The following CALN1 variants were observed in gnomAD, a reference collection of about 807,000 sequenced individuals.
CALN1 encodes calcium-binding protein 8.
A neutral mutation model predicts 30.6 loss-of-function variants in CALN1; 17 were observed. The observed-to-expected ratio is 0.56, with a 90% confidence interval of 0.38 to 0.83. The LOEUF (loss-of-function observed/expected upper bound fraction) is 0.83. Among genes scored for constraint, CALN1 ranks in the 40% least tolerant of loss-of-function variants. The pLI is 0.00. For missense variants in CALN1, 291 were observed against 354.9 expected (o/e 0.82, Z 1.45); for synonymous variants, 156 against 131.4 (o/e 1.19, Z -1.28).
intron 3 of CALN1, among the ~76,000 whole-genome samples, chr7:72,225,141 C>T (rs150422889): frequency 1.9e-3 from 292 of 152,014 alleles, no homozygotes; most frequent in African/African-American, 6.8e-3. Flanking sequence ...TTTCCCTGCA[C>T]TTGGTCTCTC....
intron 3 of CALN1, among the ~76,000 whole-genome samples, chr7:72,200,515 G>A (rs1791343455): frequency 2.0e-5 from 3 of 152,238 alleles, no homozygotes; most frequent in African/African-American, 7.2e-5. Context: ...GCTCCACTGT[G>A]TGGATGAACA....
At chr7:71,951,317 C>G (rs889011026) in intron 5 of CALN1, among the ~76,000 whole-genome samples, 2 of 152,126 alleles carry the variant, frequency 1.3e-5, no homozygotes, top group African/African-American at 4.8e-5. Context: ...AACGGCCGGG[C>G]GCATGGCTCA....
intron 4 of CALN1, among the ~76,000 whole-genome samples, chr7:72,073,627 C>T (rs1450218063): frequency 6.7e-6 from 1 of 150,274 alleles, no homozygotes; most frequent in Non-Finnish European, 1.5e-5. Flanking sequence ...TTCTTTCTTT[C>T]TCTCTGTCTT....
chr7:72,047,951 A>T (rs191579104), intron 4 of CALN1, among the ~76,000 whole-genome samples: 1 of 152,138 alleles, frequency 6.6e-6, no homozygotes. Flanking sequence ...CCATGATGTG[A>T]GCAAAGTAAG....
intron 2 of CALN1, among the ~76,000 whole-genome samples, chr7:72,397,737 C>CACAT (rs1450597194): frequency 6.6e-6 from 1 of 151,566 alleles, no homozygotes; most frequent in African/African-American, 2.4e-5. Flanking sequence ...CACACACACA[C>CACAT]ACACACACAC....
intron 6 of CALN1, among the ~76,000 whole-genome samples, chr7:71,805,908 TA>T (rs1158914440): frequency 6.6e-6 from 1 of 152,054 alleles, no homozygotes; most frequent in Non-Finnish European, 1.5e-5. Flanking sequence ...TATGCAGCCA[TA>T]AAAAGGAATG....
At chr7:72,143,493 G>T in intron 3 of CALN1, among the ~76,000 whole-genome samples, 1 of 152,128 alleles carries the variant, frequency 6.6e-6, no homozygotes, top group Non-Finnish European at 1.5e-5. Context: ...CCAAATCTAC[G>T]ACTGATTGGT....
At chr7:71,988,665 G>A (rs772864115) in intron 5 of CALN1, among the ~76,000 whole-genome samples, 3 of 152,070 alleles carry the variant, frequency 2.0e-5, no homozygotes, top group Non-Finnish European at 4.4e-5. Flanking sequence ...CGTATGAGAC[G>A]CTAAAAGCAG....
chr7:71,928,142 T>C (rs1240382407), intron 5 of CALN1, among the ~76,000 whole-genome samples: 2 of 152,208 alleles, frequency 1.3e-5, no homozygotes, highest in African/African-American at 4.8e-5. Flanking sequence ...TCTCACCTCC[T>C]GCCCCATCAC....
intron 5 of CALN1, among the ~76,000 whole-genome samples, chr7:71,890,677 A>G (rs868836133): frequency 7.7e-4 from 117 of 151,370 alleles, no homozygotes; most frequent in African/African-American, 2.8e-3. Flanking sequence ...ACCTATACCT[A>G]TATACCTATA....
chr7:72,442,664 T>C (rs938162550), intron 1 of CALN1, among the ~76,000 whole-genome samples: 2 of 152,278 alleles, frequency 1.3e-5, no homozygotes, highest in South Asian at 2.1e-4. Flanking sequence ...TATTAAGGGT[T>C]GCACTTATTT....
intron 2 of CALN1, among the ~76,000 whole-genome samples, chr7:72,365,580 C>T (rs775019646): frequency 6.6e-6 from 1 of 152,012 alleles, no homozygotes; most frequent in Non-Finnish European, 1.5e-5. Flanking sequence ...TAGATGCATG[C>T]CACCACTCCC....
intron 1 of CALN1, among the ~76,000 whole-genome samples, chr7:72,406,488 T>C (rs1806701989): frequency 6.6e-6 from 1 of 152,162 alleles, no homozygotes; most frequent in Admixed American, 6.5e-5. Flanking sequence ...TCCTCTAAAG[T>C]CCATTTGCTA....
At chr7:71,812,514 G>A (rs1788013276) in intron 5 of CALN1, among the ~76,000 whole-genome samples, 1 of 152,158 alleles carries the variant, frequency 6.6e-6, no homozygotes, top group Non-Finnish European at 1.5e-5. Context: ...TAGGTAAAAA[G>A]TCTGTGAAAC....
chr7:72,254,737 T>A (rs1795798646), intron 3 of CALN1, among the ~76,000 whole-genome samples: 1 of 151,954 alleles, frequency 6.6e-6, no homozygotes, highest in Non-Finnish European at 1.5e-5. Context: ...TACCTTCACA[T>A]CTTAGCTCAC....
At chr7:72,109,143 G>C (rs10950297) in intron 3 of CALN1, among the ~76,000 whole-genome samples, 37,921 of 151,994 alleles carry the variant, frequency 0.25, 5,648 homozygotes, top group East Asian at 0.69. Flanking sequence ...AGTCTGAATG[G>C]GTAAGGATCA....
intron 5 of CALN1, among the ~76,000 whole-genome samples, chr7:71,973,137 C>G (rs1330350107): frequency 6.6e-6 from 1 of 151,904 alleles, no homozygotes; most frequent in African/African-American, 2.4e-5. Context: ...CACTACTTAA[C>G]AGGCACATTC....
chr7:71,874,388 A>C (rs11773010), intron 5 of CALN1, among the ~76,000 whole-genome samples: 27,284 of 151,744 alleles, frequency 0.18, 2,815 homozygotes, highest in Non-Finnish European at 0.23. Context: ...GCTACAATGT[A>C]GGGCTAATCT....
intron 4 of CALN1, among the ~76,000 whole-genome samples, chr7:72,033,173 G>A (rs1020548827): frequency 7.8e-6 from 1 of 127,764 alleles, no homozygotes; most frequent in African/African-American, 3.6e-5. Flanking sequence ...TGCTATGTGA[G>A]TCAAAGTAAT....
Sources: gnomAD v4.1 joint callset for allele counts (sites outside exome capture counted in the v4.1 genomes callset) on GRCh38, gnomAD v4.1.1 for gene constraint, MANE v1.5 for transcripts, NCBI Gene and HGNC (gene_info 2026-07-23, HGNC 2026-07-21) for gene names.